The following RP1 variants were observed in gnomAD, a reference collection of about 807,000 sequenced individuals.
RP1 encodes the protein RP1 axonemal microtubule associated, also known as oxygen-regulated protein 1.
In RP1, 16 loss-of-function variants were observed where a neutral mutation model predicts 14.8. That is an observed-to-expected ratio of 1.08 (90% CI 0.73 to 1.65). The LOEUF (loss-of-function observed/expected upper bound fraction) is 1.65. Ranked by LOEUF, RP1 falls within the 40% of genes most tolerant of loss-of-function variation. The pLI, the probability that RP1 is intolerant of heterozygous loss-of-function variation, is 0.00. For synonymous variants in RP1, 876 were observed against 883.6 expected, an observed-to-expected ratio of 0.99 and a Z score of 0.15; for missense variants, 2,631 against 2,535.0, an observed-to-expected ratio of 1.04 and a Z score of -0.81.
At chr8:54,611,909 C>T (rs1350886300), upstream of RP1, among the ~76,000 whole-genome samples, 1 of 142,086 alleles carries the variant, frequency 7.0e-6, no homozygotes, top group Non-Finnish European at 1.5e-5. Flanking sequence ...TCCTTCCTTC[C>T]TTCCTATTCC....
chr8:54,723,640 T>G (rs1230815412), intron 16 of RP1, among the ~76,000 whole-genome samples: 2 of 152,212 alleles, frequency 1.3e-5, no homozygotes, highest in Non-Finnish European at 2.9e-5. Context: ...GATTCTCCAT[T>G]GATTATCCGG....
intron 12 of RP1, among the ~76,000 whole-genome samples, chr8:54,693,961 T>C (rs1224984572): frequency 1.3e-5 from 2 of 152,158 alleles, no homozygotes; most frequent in African/African-American, 4.8e-5. Context: ...GGGTTTGTCA[T>C]AGATAGCTCT....
intron 13 of RP1, among the ~76,000 whole-genome samples, chr8:54,700,627 A>G (rs1289181638): frequency 6.6e-6 from 1 of 152,188 alleles, no homozygotes; most frequent in African/African-American, 2.4e-5. Flanking sequence ...TAAGAGTTGA[A>G]GAAATATCTC....
chr8:54,717,039 CTCT>C (rs1216849209), intron 15 of RP1, among the ~76,000 whole-genome samples: 1 of 152,114 alleles, frequency 6.6e-6, no homozygotes, highest in East Asian at 1.9e-4. Context: ...GGATGCACCT[CTCT>C]TCTTGTGGGG....
At chr8:54,847,223 A>C (rs1811944892) in intron 25 of RP1, among the ~76,000 whole-genome samples, 1 of 152,146 alleles carries the variant, frequency 6.6e-6, no homozygotes, top group African/African-American at 2.4e-5. Flanking sequence ...TTTTTTCAAA[A>C]ACTCTTACAA....
chr8:54,662,416 T>C (rs1806921033), intron 6 of RP1, among the ~76,000 whole-genome samples: 1 of 152,190 alleles, frequency 6.6e-6, no homozygotes, highest in Non-Finnish European at 1.5e-5. Context: ...CCTGTTGTGC[T>C]GTGCACTTCT....
chr8:54,639,460 GGTAATTGTATGTT>G (rs1158640509), intron 3 of RP1, among the ~76,000 whole-genome samples: 20 of 152,052 alleles, frequency 1.3e-4, no homozygotes, highest in African/African-American at 3.9e-4. Context: ...TAGCTTTTAT[GGTAATTGTATGTT>G]AATGAGAAAT....
chr8:54,781,737 T>A (rs1310867261), intron 23 of RP1, among the ~76,000 whole-genome samples: 1 of 152,172 alleles, frequency 6.6e-6, no homozygotes, highest in African/African-American at 2.4e-5. Flanking sequence ...AATATAAAAT[T>A]TATTTTTTTT....
At chr8:54,587,167 A>T (rs1804950007) in intron 1 of RP1, among the ~76,000 whole-genome samples, 1 of 152,206 alleles carries the variant, frequency 6.6e-6, no homozygotes, top group Non-Finnish European at 1.5e-5. Flanking sequence ...CTTATGCAGC[A>T]GTCCCAGTGA....
At chr8:54,682,933 G>A (rs1390430747) in intron 12 of RP1, among the ~76,000 whole-genome samples, 1 of 151,984 alleles carries the variant, frequency 6.6e-6, no homozygotes, top group South Asian at 2.1e-4. Context: ...TTGTTTTGGG[G>A]TTTACATTTA....
chr8:54,746,222 T>C (rs1179951284), intron 19 of RP1, among the ~76,000 whole-genome samples: 2 of 152,252 alleles, frequency 1.3e-5, no homozygotes, highest in Admixed American at 6.5e-5. Flanking sequence ...AAATCATTCC[T>C]AGTGTCCCAG....
At chr8:54,789,959 T>C (rs1456379766) in intron 24 of RP1, among the ~76,000 whole-genome samples, 1 of 152,146 alleles carries the variant, frequency 6.6e-6, no homozygotes, top group Admixed American at 6.5e-5. Context: ...AGACCAGCCA[T>C]GAGCACTGTC....
chr8:54,808,367 C>G (rs1175545171), intron 24 of RP1, among the ~76,000 whole-genome samples: 1 of 152,250 alleles, frequency 6.6e-6, no homozygotes, highest in Non-Finnish European at 1.5e-5. Context: ...AGCCCACTGT[C>G]CAGGATCCCT....
At chr8:54,679,622 G>A (rs1433805435) in exon 11 of RP1, 8 of 1,535,888 alleles carry the variant, frequency 5.2e-6, no homozygotes, top group African/African-American at 1.4e-5. Context: ...TAAGAGAAAA[G>A]AAACAGTAAG....
intron 17 of RP1, among the ~76,000 whole-genome samples, chr8:54,732,722 T>G (rs1405966420): frequency 6.6e-6 from 1 of 152,128 alleles, no homozygotes. Context: ...AAATTCCAAG[T>G]GTGTTTGACT....
At chr8:54,638,415 G>A (rs1267083411) in intron 3 of RP1, among the ~76,000 whole-genome samples, 5 of 146,634 alleles carry the variant, frequency 3.4e-5, no homozygotes, top group African/African-American at 1.3e-4. Context: ...TCCAGCCTGG[G>A]CGACAGAGTG....
chr8:54,820,034 A>G (rs530243874), intron 24 of RP1, among the ~76,000 whole-genome samples: 8 of 152,240 alleles, frequency 5.3e-5, no homozygotes, highest in African/African-American at 1.9e-4. Context: ...GGACTGGTCT[A>G]TCCCTTCAGG....
intron 4 of RP1, among the ~76,000 whole-genome samples, chr8:54,649,494 C>G (rs1297947085): frequency 2.0e-5 from 3 of 152,138 alleles, no homozygotes; most frequent in African/African-American, 4.8e-5. Flanking sequence ...AAGTTGTCAT[C>G]AAGTTGTTAA....
chr8:54,772,336 C>G (rs1344912647), downstream of RP1, among the ~76,000 whole-genome samples: 1 of 151,848 alleles, frequency 6.6e-6, no homozygotes, highest in Non-Finnish European at 1.5e-5. Context: ...CCCTCACTAA[C>G]TCCAATAAAT....
Sources: gnomAD v4.1 joint callset for allele counts (sites outside exome capture counted in the v4.1 genomes callset) on GRCh38, gnomAD v4.1.1 for gene constraint, MANE v1.5 for transcripts, NCBI Gene and HGNC (gene_info 2026-07-23, HGNC 2026-07-21) for gene names.